RBMS3: variants seen among roughly 807,000 people sequenced by gnomAD.
The protein encoded by RBMS3 is RNA-binding motif, single-stranded-interacting protein 3.
A neutral mutation model predicts 66.8 loss-of-function variants in RBMS3; 27 were observed. The ratio of observed to expected loss-of-function variants is 0.40; its 90% CI spans 0.30 to 0.56. The LOEUF is 0.56. Among genes scored for constraint, RBMS3 ranks in the 20% least tolerant of loss-of-function variants. The pLI is 0.40. For synonymous variants in RBMS3, 188 were observed against 183.0 expected (o/e 1.03, Z -0.22); for missense variants, 513 against 549.5 (o/e 0.93, Z 0.66).
chr3:29,821,815 T>G (rs1013177335), intron 6 of RBMS3, among the ~76,000 whole-genome samples: 1 of 152,158 alleles, frequency 6.6e-6, no homozygotes, highest in African/African-American at 2.4e-5. Context: ...AGAATATCAT[T>G]AAGTTCCTGC....
chr3:29,934,924 G>A (rs938067930), intron 10 of RBMS3, among the ~76,000 whole-genome samples: 13 of 152,198 alleles, frequency 8.5e-5, no homozygotes, highest in African/African-American at 3.1e-4. Context: ...TAGGAAACGC[G>A]CAGTGGGTAA....
At chr3:29,608,459 T>C (rs1472297313) in intron 4 of RBMS3, among the ~76,000 whole-genome samples, 1 of 152,066 alleles carries the variant, frequency 6.6e-6, no homozygotes, top group African/African-American at 2.4e-5. Flanking sequence ...ATTAGTTATA[T>C]GCTGCTTAAA....
At chr3:29,638,435 G>A (rs1045266669) in intron 4 of RBMS3, among the ~76,000 whole-genome samples, 4 of 151,688 alleles carry the variant, frequency 2.6e-5, no homozygotes, top group African/African-American at 9.7e-5. Flanking sequence ...TTAATATTCT[G>A]ATATTATTCT....
chr3:29,860,024 C>A (rs929282790), intron 6 of RBMS3, among the ~76,000 whole-genome samples: 1 of 152,184 alleles, frequency 6.6e-6, no homozygotes, highest in Non-Finnish European at 1.5e-5. Context: ...TTCTGCAAGA[C>A]CTTCCTGGAT....
At chr3:29,961,336 C>T (rs556275896) in intron 12 of RBMS3, among the ~76,000 whole-genome samples, 1 of 152,276 alleles carries the variant, frequency 6.6e-6, no homozygotes, top group Non-Finnish European at 1.5e-5. Flanking sequence ...TGGTAAAAAC[C>T]ATCCAACAAG....
intron 1 of RBMS3, among the ~76,000 whole-genome samples, chr3:29,318,318 G>A (rs940183692): frequency 2.0e-5 from 3 of 151,970 alleles, no homozygotes; most frequent in Admixed American, 1.3e-4. Flanking sequence ...TGTAGTGACT[G>A]AGGTAACTTG....
chr3:29,503,299 G>A (rs1332239928), intron 3 of RBMS3, among the ~76,000 whole-genome samples: 1 of 151,834 alleles, frequency 6.6e-6, no homozygotes, highest in East Asian at 1.9e-4. Context: ...GTTTCCTATT[G>A]TCTCAAGTTG....
At chr3:29,707,954 A>T (rs1345468704) in intron 4 of RBMS3, among the ~76,000 whole-genome samples, 7 of 152,158 alleles carry the variant, frequency 4.6e-5, no homozygotes, top group Non-Finnish European at 1.0e-4. Context: ...ACATCAAGTG[A>T]TTGGCTCAGC....
chr3:29,928,237 T>TAC (rs1177913633), intron 10 of RBMS3, among the ~76,000 whole-genome samples: 123 of 129,698 alleles, frequency 9.5e-4, no homozygotes, highest in Middle Eastern at 3.9e-3. Context: ...CACACACACA[T>TAC]ATATATGTAT....
intron 6 of RBMS3, among the ~76,000 whole-genome samples, chr3:29,779,130 C>T (rs528646266): frequency 6.1e-4 from 92 of 151,706 alleles, no homozygotes; most frequent in Non-Finnish European, 1.2e-3. Flanking sequence ...TCCCTTTGAC[C>T]CAAGCCATGA....
chr3:29,722,147 T>A (rs1386781531), intron 4 of RBMS3, among the ~76,000 whole-genome samples: 1 of 152,174 alleles, frequency 6.6e-6, no homozygotes, highest in East Asian at 1.9e-4. Flanking sequence ...CTTTTATATT[T>A]TTGGATTTTG....
At chr3:29,727,859 A>G (rs2053950783) in intron 4 of RBMS3, among the ~76,000 whole-genome samples, 2 of 152,340 alleles carry the variant, frequency 1.3e-5, no homozygotes, top group Middle Eastern at 3.4e-3. Context: ...ATTACTGGGT[A>G]TATACCCAAA....
At chr3:29,983,252 GCTTT>G (rs1215490192) in intron 12 of RBMS3, among the ~76,000 whole-genome samples, 3 of 100,814 alleles carry the variant, frequency 3.0e-5, no homozygotes, top group African/African-American at 7.4e-5. Flanking sequence ...TTTTTTTTTT[GCTTT>G]CTATTTGCTT....
chr3:29,787,124 A>C (rs1576802917), intron 6 of RBMS3, among the ~76,000 whole-genome samples: 1 of 152,152 alleles, frequency 6.6e-6, no homozygotes, highest in East Asian at 1.9e-4. Context: ...CTGAAACCAC[A>C]ACATGATACC....
chr3:29,296,249 T>C (rs758681459), intron 1 of RBMS3, among the ~76,000 whole-genome samples: 1 of 151,852 alleles, frequency 6.6e-6, no homozygotes, highest in Non-Finnish European at 1.5e-5. Context: ...AAGGACAATG[T>C]TAAGCAGCCC....
intron 3 of RBMS3, among the ~76,000 whole-genome samples, chr3:29,568,572 A>G (rs1394149383): frequency 6.6e-6 from 1 of 152,250 alleles, no homozygotes; most frequent in Non-Finnish European, 1.5e-5. Context: ...CAGAACCGAC[A>G]TAGAATTTAG....
chr3:29,378,715 C>A (rs2038613596), intron 1 of RBMS3, among the ~76,000 whole-genome samples: 1 of 152,108 alleles, frequency 6.6e-6, no homozygotes, highest in South Asian at 2.1e-4. Flanking sequence ...GATATATATT[C>A]TTCTAGTTGC....
chr3:29,899,545 C>G (rs936448922), intron 9 of RBMS3, among the ~76,000 whole-genome samples, 160 bp from the exon 10 acceptor site: 5 of 151,742 alleles, frequency 3.3e-5, no homozygotes, highest in Non-Finnish European at 7.4e-5. Flanking sequence ...CCAATTTAAT[C>G]AAGTCCAAGA....
chr3:29,304,691 T>C (rs920412978), intron 1 of RBMS3, among the ~76,000 whole-genome samples: 5 of 151,984 alleles, frequency 3.3e-5, no homozygotes, highest in Admixed American at 2.0e-4. Context: ...TTTCATAGAA[T>C]TGTAGTTCTC....
Sources: gnomAD v4.1 joint callset for allele counts (sites outside exome capture counted in the v4.1 genomes callset) on GRCh38, gnomAD v4.1.1 for gene constraint, MANE v1.5 for transcripts, NCBI Gene and HGNC (gene_info 2026-07-23, HGNC 2026-07-21) for gene names.